SAMMSON: variants seen among roughly 807,000 people sequenced by gnomAD.
The protein encoded by SAMMSON is long intergenic non-protein coding RNA 1212.
intron 1 of SAMMSON, among the ~76,000 whole-genome samples, chr3:70,011,465 A>G (rs531818337): frequency 3.9e-5 from 6 of 152,052 alleles, no homozygotes; most frequent in East Asian, 1.9e-4. Flanking sequence ...TGTTTTTTCT[A>G]TTAGTCATTC....
chr3:70,138,214 A>G (rs1430880372), intron 4 of SAMMSON, among the ~76,000 whole-genome samples: 2 of 152,212 alleles, frequency 1.3e-5, no homozygotes, highest in Non-Finnish European at 2.9e-5. Context: ...TAAAATCTGT[A>G]TTAAATAAAA....
At chr3:70,050,033 G>T (rs550439052) in intron 3 of SAMMSON, among the ~76,000 whole-genome samples, 1 of 152,198 alleles carries the variant, frequency 6.6e-6, no homozygotes, top group South Asian at 2.1e-4. Context: ...TGCCAGCAAG[G>T]AGGGAAAGAA....
At chr3:70,106,071 A>C (rs2106657515) in intron 4 of SAMMSON, among the ~76,000 whole-genome samples, 1 of 152,252 alleles carries the variant, frequency 6.6e-6, no homozygotes, top group African/African-American at 2.4e-5. Context: ...TGGTATTTTA[A>C]TTCCTTTTAA....
chr3:70,228,969 A>G (rs1701534324), intron 4 of SAMMSON, among the ~76,000 whole-genome samples: 1 of 152,172 alleles, frequency 6.6e-6, no homozygotes. Context: ...CAGTGAAGAA[A>G]CACGGAGAAT....
At chr3:70,126,047 T>G in intron 4 of SAMMSON, 1 of 1,009,684 alleles carries the variant, frequency 9.9e-7, no homozygotes, top group Non-Finnish European at 1.5e-6. Flanking sequence ...TTCATTTTAT[T>G]CATAAGATGA....
At chr3:70,300,538 C>T (rs1297686205) in intron 7 of SAMMSON, among the ~76,000 whole-genome samples, 1 of 151,764 alleles carries the variant, frequency 6.6e-6, no homozygotes, top group Non-Finnish European at 1.5e-5. Context: ...ATATATTAGC[C>T]TTTAACCATG....
chr3:70,045,118 TATTA>T (rs2067121072), intron 3 of SAMMSON, among the ~76,000 whole-genome samples: 1 of 82,302 alleles, frequency 1.2e-5, no homozygotes, highest in Admixed American at 1.3e-4. Flanking sequence ...AATTTATATA[TATTA>T]ATTATAATAT....
chr3:70,390,475 TG>T (rs1200408260), downstream of SAMMSON, among the ~76,000 whole-genome samples: 3 of 152,230 alleles, frequency 2.0e-5, no homozygotes, highest in East Asian at 5.8e-4. Flanking sequence ...CATCTGGTTT[TG>T]GGGAGGCCTC....
At chr3:70,414,659 G>T (rs900898106) in intron 2 of SAMMSON, among the ~76,000 whole-genome samples, 1 of 152,028 alleles carries the variant, frequency 6.6e-6, no homozygotes, top group Non-Finnish European at 1.5e-5. Context: ...TGAACATTAG[G>T]TATTTAATGT....
intron 3 of SAMMSON, among the ~76,000 whole-genome samples, chr3:70,049,643 T>C (rs1403649719): frequency 6.6e-6 from 1 of 152,140 alleles, no homozygotes; most frequent in Admixed American, 6.6e-5. Flanking sequence ...ATTATTGTTG[T>C]CACTAGCATC....
At chr3:70,232,549 G>A (rs538635965) in intron 4 of SAMMSON, among the ~76,000 whole-genome samples, 2 of 151,830 alleles carry the variant, frequency 1.3e-5, no homozygotes, top group African/African-American at 2.4e-5. Context: ...ACAGGTGCCC[G>A]CCACCACGCC....
chr3:70,295,749 G>A (rs1377079256), intron 7 of SAMMSON, among the ~76,000 whole-genome samples: 1 of 152,108 alleles, frequency 6.6e-6, no homozygotes, highest in Non-Finnish European at 1.5e-5. Context: ...TTAAAGTGCT[G>A]TATCTTTTGA....
At chr3:70,141,505 G>C (rs141517552) in intron 4 of SAMMSON, among the ~76,000 whole-genome samples, 3 of 152,098 alleles carry the variant, frequency 2.0e-5, no homozygotes. Context: ...TGATTCAAAT[G>C]CTAATCTCTT....
chr3:70,373,216 A>T (rs1486267741), intron 9 of SAMMSON, among the ~76,000 whole-genome samples: 1 of 151,900 alleles, frequency 6.6e-6, no homozygotes, highest in African/African-American at 2.4e-5. Flanking sequence ...GAATGTCATT[A>T]TTTTCCTTTC....
chr3:70,152,010 A>G (rs980716206), intron 4 of SAMMSON, among the ~76,000 whole-genome samples: 2 of 152,050 alleles, frequency 1.3e-5, no homozygotes, highest in Admixed American at 6.6e-5. Context: ...CACTAGAAGG[A>G]AAGCATAGCT....
chr3:70,273,009 C>T (rs1046083199), intron 6 of SAMMSON, among the ~76,000 whole-genome samples: 1 of 152,174 alleles, frequency 6.6e-6, no homozygotes, highest in Admixed American at 6.5e-5. Flanking sequence ...CACTTCCTCC[C>T]TTATCACTCC....
chr3:70,290,380 G>C (rs561356214), intron 6 of SAMMSON, among the ~76,000 whole-genome samples: 96 of 152,328 alleles, frequency 6.3e-4, no homozygotes, highest in African/African-American at 2.2e-3. Context: ...TCGGGGGCCA[G>C]GGGTCAGGGA....
At chr3:70,382,764 T>G (rs917525188) in intron 9 of SAMMSON, among the ~76,000 whole-genome samples, 2 of 152,130 alleles carry the variant, frequency 1.3e-5, no homozygotes, top group African/African-American at 4.8e-5. Flanking sequence ...AAAGTTTTAT[T>G]TAGTTTGTAT....
intron 2 of SAMMSON, among the ~76,000 whole-genome samples, chr3:70,400,455 T>C (rs952815547): frequency 1.3e-5 from 2 of 152,174 alleles, no homozygotes; most frequent in African/African-American, 4.8e-5. Flanking sequence ...TCTGCACACA[T>C]CTGCTCCCCT....
Sources: gnomAD v4.1 joint callset for allele counts (sites outside exome capture counted in the v4.1 genomes callset) on GRCh38, gnomAD v4.1.1 for gene constraint, MANE v1.5 for transcripts, NCBI Gene and HGNC (gene_info 2026-07-23, HGNC 2026-07-21) for gene names.